PTPRG: variants seen among roughly 807,000 people sequenced by gnomAD.
PTPRG encodes the protein protein tyrosine phosphatase receptor type G.
PTPRG carries 102 observed loss-of-function variants against 165.3 expected under a neutral mutation model. The ratio of observed to expected loss-of-function variants is 0.62; its 90% CI spans 0.53 to 0.73. The LOEUF is 0.73. Among genes scored for constraint, PTPRG ranks in the 30% least tolerant of loss-of-function variants. The pLI, the probability that PTPRG is intolerant of heterozygous loss-of-function variation, is 0.00. For synonymous variants in PTPRG, 675 were observed against 669.5 expected, an observed-to-expected ratio of 1.01 and a Z score of -0.13; for missense variants, 1,866 against 1,861.4, an observed-to-expected ratio of 1.00 and a Z score of -0.05.
At chr3:61,838,127 T>G (rs1472826029) in intron 2 of PTPRG, among the ~76,000 whole-genome samples, 1 of 152,180 alleles carries the variant, frequency 6.6e-6, no homozygotes, top group Non-Finnish European at 1.5e-5. Context: ...CCCTGAGATT[T>G]CAGATGGTGA....
Position 62,203,695 on chromosome 3 carries a change from G to A in PTPRG, c.1900G>A (p.Ala634Thr), listed in dbSNP as rs1233047752. 1.3e-6 allele frequency: 2 copies of A among 1,574,834 alleles called. No individual in the cohort carries two copies. Among genetic ancestry groups the A allele is most frequent in the Non-Finnish European group, 8.6e-7 (1 of 1,159,592 alleles). Reference sequence around the variant, plus strand: ...CACACCCTCGTCTCCTAACAGGACTGCCGAGGGAGGGCATCAGACTATACC... The same window carrying A: ...CACACCCTCGTCTCCTAACAGGACTACCGAGGGAGGGCATCAGACTATACC... ...SPTPSSPNRT[A>T]EGGHQTIPGH... is the part of the protein sequence containing the mutation. Residue 634 changes from alanine (A) to threonine (T), a missense_variant, in exon 12 of 30, where the codon GCC (alanine) becomes ACC (threonine). By Grantham distance (58) the Ala-to-Thr change is moderately conservative. Transcript: ENST00000474889. This position sits in a 1 kb window ranked among gnomAD's most constrained non-coding sequence, Gnocchi z 6.4.
At chr3:61,902,004 A>T (rs1384629472) in intron 2 of PTPRG, among the ~76,000 whole-genome samples, 2 of 152,188 alleles carry the variant, frequency 1.3e-5, no homozygotes, top group Non-Finnish European at 2.9e-5. Flanking sequence ...AAACGTGGTA[A>T]TAAAGAGCAT....
intron 4 of PTPRG, among the ~76,000 whole-genome samples, chr3:62,015,997 T>A (rs2041535583): frequency 6.6e-6 from 1 of 152,112 alleles, no homozygotes; most frequent in Admixed American, 6.5e-5. Flanking sequence ...GTAATACCTA[T>A]TACAGATCAG....
rs558674516 is a variant in PTPRG, at chr3:61,648,452, C to T, written c.85+86080C>T. Among the ~76,000 whole-genome samples the T allele has an allele frequency of 7.2e-5, 11 of 152,296 alleles. No individual in the cohort carries two copies. The East Asian group carries it at 9.7e-4, about 13-fold the overall frequency. ...TCCTACCAGGCTACACATTTTCACCCGAGGGGAAATGAAAACTGGGCAGCA... is the reference window on the plus strand; with the variant it reads ...TCCTACCAGGCTACACATTTTCACCTGAGGGGAAATGAAAACTGGGCAGCA... On this transcript the variant is annotated intron_variant, in intron 1 of 29. Transcript: ENST00000474889.
At chr3:62,249,059 T>C (rs1184654285) in intron 15 of PTPRG, among the ~76,000 whole-genome samples, 1 of 152,180 alleles carries the variant, frequency 6.6e-6, no homozygotes, top group Non-Finnish European at 1.5e-5. Flanking sequence ...CTTTATTGAC[T>C]TCATTGTGTC....
At chr3:61,763,614 A>G (rs182288267) in intron 2 of PTPRG, among the ~76,000 whole-genome samples, 150,799 of 150,818 alleles carry the variant, frequency 1, 75,390 homozygotes, top group Middle Eastern at 1. Context: ...CAGGTGATCC[A>G]CCCGCCTCAG....
intron 2 of PTPRG, among the ~76,000 whole-genome samples, chr3:61,811,993 C>G (rs1265088502): frequency 6.6e-6 from 1 of 152,034 alleles, no homozygotes; most frequent in African/African-American, 2.4e-5. Context: ...ATTAGTAGGC[C>G]TGTCTTCAAA....
At chr3:61,944,699 C>A (rs1302750968) in intron 2 of PTPRG, among the ~76,000 whole-genome samples, 5 of 152,130 alleles carry the variant, frequency 3.3e-5, no homozygotes, top group Admixed American at 3.3e-4. Flanking sequence ...AAAAAATTTT[C>A]TTTTTCAATT....
At chr3:62,016,585 T>C (rs1011594775) in intron 4 of PTPRG, among the ~76,000 whole-genome samples, 2 of 152,234 alleles carry the variant, frequency 1.3e-5, no homozygotes, top group Admixed American at 1.3e-4. Context: ...ACACCATTTC[T>C]GACTTCAGTC....
At chr3:61,990,389 G>T (rs2040855530) in intron 3 of PTPRG, among the ~76,000 whole-genome samples, 1 of 152,110 alleles carries the variant, frequency 6.6e-6, no homozygotes, top group Non-Finnish European at 1.5e-5. Flanking sequence ...TTACTTCCGA[G>T]TACAGATGAA....
intron 4 of PTPRG, among the ~76,000 whole-genome samples, chr3:62,018,083 C>A (rs1043338307): frequency 3.3e-5 from 5 of 152,138 alleles, no homozygotes; most frequent in Admixed American, 1.3e-4. Flanking sequence ...ACAGTGCCTT[C>A]CTTTGTATTC....
intron 8 of PTPRG, among the ~76,000 whole-genome samples, chr3:62,177,023 G>A (rs1381070505): frequency 6.6e-6 from 1 of 152,058 alleles, no homozygotes; most frequent in Non-Finnish European, 1.5e-5. Context: ...CAACACTTTG[G>A]GAGGCCAAGG....
At chr3:61,686,035 C>T (rs962890917) in intron 1 of PTPRG, among the ~76,000 whole-genome samples, 2 of 152,208 alleles carry the variant, frequency 1.3e-5, no homozygotes, top group African/African-American at 4.8e-5. Flanking sequence ...TGCCAGGACC[C>T]TGCACCGTGA....
chr3:61,624,420 G>A (rs1473693931), intron 1 of PTPRG, among the ~76,000 whole-genome samples: 3 of 152,172 alleles, frequency 2.0e-5, no homozygotes, highest in Non-Finnish European at 1.5e-5. Context: ...AACACTGGAA[G>A]GTGAGAAGAA....
At chr3:62,183,238 C>A (rs942772510) in intron 8 of PTPRG, among the ~76,000 whole-genome samples, 1 of 152,166 alleles carries the variant, frequency 6.6e-6, no homozygotes, top group African/African-American at 2.4e-5. Context: ...CAGAGCTGGG[C>A]TCATCAGATA....
rs11329820 is a variant in PTPRG at position 61,820,603 on chromosome 3, GTTTTTTTT to G, written c.190+71640_190+71647del. Among the ~76,000 whole-genome samples, 10 of 65,730 alleles carry G rather than the reference GTTTTTTTT, an allele frequency of 1.5e-4. No homozygotes were observed. The Admixed American group carries it at 1.6e-3, about 11-fold the overall frequency. The allele number at this position is 65,730 out of a possible 152,430, so 43.1% of individuals were successfully genotyped here. On this transcript the variant is annotated intron_variant, in intron 2 of 29. Transcript: ENST00000474889. ...TTTAATTTCTTGTTCCTGTGTCTCTGTTTTTTTTTTTTTTTTTTTTTTTTTTACTGTGG... is the reference window on the plus strand; with the variant it reads ...TTTAATTTCTTGTTCCTGTGTCTCTGTTTTTTTTTTTTTTTTTTACTGTGG...
chr3:61,578,827 T>C (rs1575514210), intron 1 of PTPRG, among the ~76,000 whole-genome samples: 1 of 152,176 alleles, frequency 6.6e-6, no homozygotes, highest in East Asian at 1.9e-4. Flanking sequence ...TTAATTGTTT[T>C]TGAGGTTCCC....
intron 8 of PTPRG, among the ~76,000 whole-genome samples, chr3:62,182,987 A>G (rs901185160): frequency 4.6e-5 from 7 of 152,206 alleles, no homozygotes; most frequent in Non-Finnish European, 1.0e-4. Context: ...CGTTTGCTAT[A>G]TGTCAGTCCA....
chr3:61,672,872 G>A (rs1332542491), intron 1 of PTPRG, among the ~76,000 whole-genome samples: 1 of 151,618 alleles, frequency 6.6e-6, no homozygotes, highest in Non-Finnish European at 1.5e-5. Context: ...GAGTCTAAAA[G>A]TTGGGACCCG....
Sources: gnomAD v4.1 joint callset for allele counts (sites outside exome capture counted in the v4.1 genomes callset) on GRCh38, gnomAD v4.1.1 for gene constraint, Gnocchi (gnomAD v3.1) non-coding constraint, MANE v1.5 for transcripts, NCBI Gene and HGNC (gene_info 2026-07-23, HGNC 2026-07-21) for gene names.